The following CTNNA3 variants were observed in gnomAD, a reference collection of about 807,000 sequenced individuals.
CTNNA3 encodes catenin alpha 3, also known as catenin alpha-3.
In CTNNA3, 76 loss-of-function variants were observed where a neutral mutation model predicts 95.7. The observed-to-expected ratio is 0.79, with a 90% CI of 0.66 to 0.96. The LOEUF is 0.96. CTNNA3 is among the 40% of genes least tolerant of loss of function. The probability of loss-of-function intolerance (pLI) is 0.00; values close to 1 mark genes in which losing one functional copy is unlikely to be tolerated. For missense variants in CTNNA3, 1,191 were observed against 1,089.8 expected, an observed-to-expected ratio of 1.09 and a Z score of -1.31; for synonymous variants, 431 against 374.4, an observed-to-expected ratio of 1.15 and a Z score of -1.74.
intron 1 of CTNNA3, chr10:67,750,564 A>G (rs1408764146): frequency 6.3e-7 from 1 of 1,578,876 alleles, no homozygotes; most frequent in Non-Finnish European, 8.7e-7. Context: ...AAAGCCTTTG[A>G]GAAGACCCTC....
rs2089644835 is a variant in CTNNA3, at chr10:66,232,665, G to T, written c.1884+47805C>A. ...AGATATATACTGATACTAGTGCAAGGACAAACATTACATGGAATTTAAAAA... is the reference window on the plus strand; with the variant it reads ...AGATATATACTGATACTAGTGCAAGTACAAACATTACATGGAATTTAAAAA... On this transcript the variant is annotated intron_variant, in intron 13 of 17. Coordinates refer to ENST00000433211, the MANE Select transcript of CTNNA3 (RefSeq NM_013266.4). Among the ~76,000 whole-genome samples the T allele has an allele frequency of 2.0e-5, 3 of 152,088 alleles. No homozygotes were observed. In the South Asian group the frequency reaches 6.2e-4, roughly 31 times the overall value.
chr10:66,220,663 C>T (rs111634482), intron 13 of CTNNA3, among the ~76,000 whole-genome samples: 5,165 of 152,168 alleles, frequency 0.034, 212 homozygotes, highest in African/African-American at 0.099. Flanking sequence ...ATTTTATTGC[C>T]GATGGAAGTG....
intron 15 of CTNNA3, among the ~76,000 whole-genome samples, chr10:66,016,847 A>G (rs972673818): frequency 3.3e-5 from 5 of 152,188 alleles, no homozygotes; most frequent in African/African-American, 1.2e-4. Flanking sequence ...TCTGGGTGTC[A>G]AAAATAGAAA....
At chr10:67,235,509 C>A (rs367794012) in intron 5 of CTNNA3, among the ~76,000 whole-genome samples, 1 of 150,152 alleles carries the variant, frequency 6.7e-6, no homozygotes, top group African/African-American at 2.4e-5. Context: ...ATACAAAAAT[C>A]AATTCAAGAT....
At chr10:66,018,715 A>G (rs1165206404) in intron 15 of CTNNA3, among the ~76,000 whole-genome samples, 1 of 152,102 alleles carries the variant, frequency 6.6e-6, no homozygotes, top group African/African-American at 2.4e-5. Context: ...GAAAAGAGGA[A>G]TTATCTTTTC....
At chr10:67,612,301 T>C (rs1843484106) in intron 2 of CTNNA3, among the ~76,000 whole-genome samples, 1 of 152,124 alleles carries the variant, frequency 6.6e-6, no homozygotes, top group Non-Finnish European at 1.5e-5. Context: ...GTTGCAACAT[T>C]AAAGGCAGAA....
chr10:66,724,826 G>C (rs1218868829), intron 9 of CTNNA3, among the ~76,000 whole-genome samples: 4 of 152,086 alleles, frequency 2.6e-5, no homozygotes, highest in African/African-American at 9.7e-5. Context: ...AGTTAAACCT[G>C]TAATCAACAA....
rs564387906 is a variant in CTNNA3 at position 66,010,413 on chromosome 10, CAACAAAA to C, written c.2160-21623_2160-21617del. On this transcript the variant is annotated intron_variant, in intron 15 of 17. Coordinates refer to ENST00000433211, the MANE Select transcript of CTNNA3 (RefSeq NM_013266.4). ...AATTATTTTTAGGGGCTTTTTAGAC[CAACAAAA>C]AACAAAAGGAGAAAGAGGAATTCAA... Among the ~76,000 whole-genome samples, 23 of 151,648 alleles carry C rather than the reference CAACAAAA, an allele frequency of 1.5e-4. 1 individual carries two copies. In the South Asian group the frequency reaches 4.8e-3, roughly 32 times the overall value.
At chr10:66,426,009 T>G (rs368289887) in intron 11 of CTNNA3, among the ~76,000 whole-genome samples, 2 of 152,140 alleles carry the variant, frequency 1.3e-5, no homozygotes, top group African/African-American at 2.4e-5. Flanking sequence ...TTTTTTGTAT[T>G]TTTTATTCAA....
intron 12 of CTNNA3, among the ~76,000 whole-genome samples, chr10:66,360,605 TTCTTTC>T (rs1260590689): frequency 0.016 from 839 of 52,714 alleles, 77 homozygotes; most frequent in Admixed American, 0.016. Context: ...CCTTCTTTCT[TTCTTTC>T]TTTCTTTCTT....
intron 9 of CTNNA3, among the ~76,000 whole-genome samples, chr10:66,689,792 G>C (rs1006629944): frequency 6.6e-6 from 1 of 152,074 alleles, no homozygotes; most frequent in Non-Finnish European, 1.5e-5. Flanking sequence ...GACCAATAAA[G>C]GAGAATGCAG....
intron 7 of CTNNA3, among the ~76,000 whole-genome samples, chr10:67,165,482 G>A (rs1040039840): frequency 2.0e-5 from 3 of 152,024 alleles, no homozygotes; most frequent in African/African-American, 4.8e-5. Flanking sequence ...CCATATATGT[G>A]ATAAAACTAT....
chr10:66,068,582 A>C (rs1469416919), intron 15 of CTNNA3, among the ~76,000 whole-genome samples: 1 of 152,218 alleles, frequency 6.6e-6, no homozygotes, highest in Non-Finnish European at 1.5e-5. Flanking sequence ...CACCATATAC[A>C]TGAATACTAC....
chr10:66,442,733 C>T (rs987370601), intron 11 of CTNNA3, among the ~76,000 whole-genome samples: 4 of 152,166 alleles, frequency 2.6e-5, no homozygotes, highest in Admixed American at 6.5e-5. Context: ...GCGTGAGTGA[C>T]GCAGAAGATG....
chr10:66,935,928 A>T (rs1016845847), intron 7 of CTNNA3, among the ~76,000 whole-genome samples: 2 of 152,088 alleles, frequency 1.3e-5, no homozygotes, highest in African/African-American at 4.8e-5. Context: ...TCTCAAAGCC[A>T]AATCATGCAT....
chr10:66,381,251 C>T (rs368601758), intron 11 of CTNNA3, among the ~76,000 whole-genome samples: 7 of 152,180 alleles, frequency 4.6e-5, no homozygotes, highest in Admixed American at 2.0e-4. Flanking sequence ...CTTTGACCTG[C>T]TTGCTCAACT....
intron 3 of CTNNA3, among the ~76,000 whole-genome samples, chr10:67,599,726 T>C (rs1377739478): frequency 6.6e-6 from 1 of 152,164 alleles, no homozygotes; most frequent in African/African-American, 2.4e-5. Context: ...TGTGCAAGAT[T>C]TGTATCCACA....
intron 7 of CTNNA3, among the ~76,000 whole-genome samples, chr10:67,002,065 CTT>C (rs901779504): frequency 6.6e-6 from 1 of 152,168 alleles, no homozygotes; most frequent in Non-Finnish European, 1.5e-5. Flanking sequence ...GCTTTATTAA[CTT>C]TTAGGAGCTC....
chr10:66,048,433 T>C (rs2079875047), intron 15 of CTNNA3, among the ~76,000 whole-genome samples: 1 of 152,102 alleles, frequency 6.6e-6, no homozygotes, highest in African/African-American at 2.4e-5. Flanking sequence ...GTTCAGAAGA[T>C]TGAAGCCGGA....
Sources: allele counts gnomAD v4.1 joint callset (sites outside exome capture counted in the v4.1 genomes callset), GRCh38; gene constraint gnomAD v4.1.1; transcripts MANE v1.5; gene names NCBI Gene and HGNC (gene_info 2026-07-23, HGNC 2026-07-21).